The following MRPL13 variants were observed in gnomAD, a reference collection of about 807,000 sequenced individuals.
The protein encoded by MRPL13 is large ribosomal subunit protein uL13m.
Under a neutral mutation model 29.0 loss-of-function variants are expected in MRPL13, and 33 were observed. The ratio of observed to expected loss-of-function variants is 1.14; its 90% confidence interval spans 0.86 to 1.52. The LOEUF is 1.52. MRPL13 is among the 40% of genes most tolerant of loss of function. The probability of loss-of-function intolerance (pLI) is 0.00; values close to 1 mark genes in which losing one functional copy is unlikely to be tolerated. For missense variants in MRPL13, 227 were observed against 216.7 expected, an observed-to-expected ratio of 1.05 and a Z score of -0.30; for synonymous variants, 77 against 68.4, an observed-to-expected ratio of 1.13 and a Z score of -0.62.
chr8:120,426,596 A>G (rs369344023), intron 3 of MRPL13, among the ~76,000 whole-genome samples: 1 of 152,196 alleles, frequency 6.6e-6, no homozygotes, highest in East Asian at 1.9e-4. Context: ...AATATATTTC[A>G]GAAGTCTGGA....
intron 2 of MRPL13, among the ~76,000 whole-genome samples, chr8:120,436,056 A>G (rs1274223004): frequency 6.6e-6 from 1 of 152,150 alleles, no homozygotes; most frequent in Non-Finnish European, 1.5e-5. Flanking sequence ...GAAAAGCCAG[A>G]CAATAAACAA....
At position 120,418,627 on chromosome 8, in the gene MRPL13, C is replaced by T. The variant is rs146130587; in HGVS notation, c.393+1225G>A. 3.1e-4 allele frequency among the ~76,000 whole-genome samples: 47 copies of T among 151,896 alleles called. No homozygotes were observed. In the South Asian group the frequency reaches 8.3e-3, roughly 27 times the overall value. ...ATAATTTCCTATTTAACGGAACTAT[C>T]GTGAATACTTAAAATATCTACACTC... On this transcript the variant is annotated intron_variant, in intron 5 of 6. Transcript: ENST00000306185.
chr8:120,411,495 G>A (rs984955781), intron 6 of MRPL13, among the ~76,000 whole-genome samples: 4 of 152,104 alleles, frequency 2.6e-5, no homozygotes, highest in South Asian at 2.1e-4. Context: ...CACTTTTCAC[G>A]TAATAAAGAC....
Position 120,395,982 on chromosome 8 carries a change from A to G in MRPL13, c.*122T>C. The G allele has an allele frequency of 1.3e-6, 1 of 747,196 alleles. No individual in the cohort carries two copies. The highest frequency in any genetic ancestry group is 1.8e-5 in the South Asian group (1 of 54,702). The allele number at this position is 747,196 out of a possible 1,614,324, so 46.3% of individuals were successfully genotyped here. ...ACCTTCCTGACCTTTCCCCACAGTG[A>G]TTCGGCACATAAAACAGGTGCTGAA... On this transcript the variant is annotated 3_prime_UTR_variant, in exon 7 of 7. Transcript: ENST00000306185.
At chr8:120,402,586 A>C (rs1219532135) in intron 6 of MRPL13, among the ~76,000 whole-genome samples, 3 of 152,218 alleles carry the variant, frequency 2.0e-5, no homozygotes, top group African/African-American at 7.2e-5. Context: ...GGACATAGGC[A>C]TGGGCAGATT....
At chr8:120,416,759 C>CT (rs1051944929) in intron 5 of MRPL13, among the ~76,000 whole-genome samples, 1 of 152,244 alleles carries the variant, frequency 6.6e-6, no homozygotes, top group Admixed American at 6.5e-5. Context: ...TATACAAACA[C>CT]TTTTTGGATG....
At chr8:120,411,120 G>A (rs1400908391) in intron 6 of MRPL13, among the ~76,000 whole-genome samples, 1 of 151,894 alleles carries the variant, frequency 6.6e-6, no homozygotes, top group African/African-American at 2.4e-5. Flanking sequence ...GGAGTGCAGT[G>A]GCATGATCAT....
At chr8:120,424,402 G>A (rs1320361210) in intron 4 of MRPL13, among the ~76,000 whole-genome samples, 2 of 152,126 alleles carry the variant, frequency 1.3e-5, no homozygotes, top group African/African-American at 4.8e-5. Context: ...TAGGAAGATT[G>A]CTTGAGCCCA....
At position 120,425,359 on chromosome 8, in the gene MRPL13, C is replaced by A; in HGVS notation, c.253G>T (p.Gly85Cys). ...KVYSSHTGYP[G>C]GFRQVTAAQL... is the part of the protein sequence containing the mutation. ...GCAGCTGTTACTTGTCTAAATCCAC[C>A]TGGGTAGCTGTTAAAAGGAGAAAAG... is the stretch of plus-strand genomic sequence containing the variant. The change falls in exon 4 of 7, where the codon GGT becomes TGT. Residue 85 changes from glycine (G) to cysteine (C), a missense_variant. Coordinates refer to ENST00000306185, the MANE Select transcript of MRPL13 (RefSeq NM_014078.6). 1 of 1,611,892 alleles carries A rather than the reference C, an allele frequency of 6.2e-7. No individual in the cohort carries two copies.
chr8:120,428,006 C>T (rs1357404488), intron 3 of MRPL13, among the ~76,000 whole-genome samples: 1 of 150,274 alleles, frequency 6.7e-6, no homozygotes, highest in Non-Finnish European at 1.5e-5. Context: ...CATATGAAAC[C>T]AAAAAAGAGC....
At chr8:120,413,043 T>C (rs1198479089) in intron 6 of MRPL13, among the ~76,000 whole-genome samples, 1 of 152,212 alleles carries the variant, frequency 6.6e-6, no homozygotes, top group Non-Finnish European at 1.5e-5. Context: ...ATTTTTATTA[T>C]TGCCATGAGT....
chr8:120,420,265 T>C (rs2130468217), intron 4 of MRPL13, among the ~76,000 whole-genome samples: 1 of 151,364 alleles, frequency 6.6e-6, no homozygotes, highest in South Asian at 2.1e-4. Context: ...CTAAACCCAC[T>C]AAAACAATAC....
At position 120,414,185 on chromosome 8, in the gene MRPL13, A is replaced by T. The variant is rs1389857052; in HGVS notation, c.394-73T>A. 9.3e-6 allele frequency: 10 copies of T among 1,071,414 alleles called. No individual in the cohort carries two copies. In the East Asian group the frequency reaches 1.3e-4, roughly 14 times the overall value. The allele number at this position is 1,071,414 out of a possible 1,614,324, so 66.4% of individuals were successfully genotyped here. On this transcript the variant is annotated intron_variant, in intron 5 of 6. Coordinates refer to ENST00000306185, the MANE Select transcript of MRPL13 (RefSeq NM_014078.6). ...TAGCAATAAATTACTAATACTTCAT[A>T]AGTGTTAAAAAAATAAGCAAAAGAA...
chr8:120,436,183 G>A (rs1369592681), intron 2 of MRPL13, among the ~76,000 whole-genome samples: 3 of 151,900 alleles, frequency 2.0e-5, no homozygotes, highest in African/African-American at 7.3e-5. Flanking sequence ...CATTTCTCTG[G>A]GATAATGTCC....
Position 120,431,899 on chromosome 8 carries a change from C to T in MRPL13, c.245+131G>A, listed in dbSNP as rs115420473. On this transcript the variant is annotated intron_variant, in intron 3 of 6. Coordinates refer to ENST00000306185, the MANE Select transcript of MRPL13 (RefSeq NM_014078.6). ...TTTTAAAAATTGAGTAAATTATATA[C>T]ATGGCATGAGTAAAATTAGTAATAA... The T allele has an allele frequency of 6.3e-3, 3,740 of 592,966 alleles. 126 individuals are homozygous for T. In the African/African-American group the frequency reaches 0.067, roughly 11 times the overall value. The allele number at this position is 592,966 out of a possible 1,614,324, so 36.7% of individuals were successfully genotyped here.
chr8:120,395,538 G>GGT lies in MRPL13; in HGVS notation c.*565_*566insAC, dbSNP rs1812512911. 2 of 152,438 alleles carry GGT rather than the reference G, an allele frequency of 1.3e-5. No individual in the cohort carries two copies. The highest frequency in any genetic ancestry group is 3.8e-4 in the East Asian group (2 of 5,208). 9.4% of individuals were successfully genotyped at this position (152,438 alleles called of 1,614,324 possible). ...AGGGAAGAGGGATTTCTAACGAGCA[G>GGT]ACAGGCATTATGTATTCTGGTGTCA... On this transcript the variant is annotated 3_prime_UTR_variant, in exon 7 of 7. Coordinates refer to ENST00000306185, the MANE Select transcript of MRPL13 (RefSeq NM_014078.6).
chr8:120,416,546 G>GT (rs1262401827), intron 5 of MRPL13, among the ~76,000 whole-genome samples: 1 of 152,084 alleles, frequency 6.6e-6, no homozygotes, highest in Non-Finnish European at 1.5e-5. Flanking sequence ...CACAGAGGTG[G>GT]TTAACCTAAG....
At chr8:120,421,542 C>T (rs1010510325) in intron 4 of MRPL13, among the ~76,000 whole-genome samples, 8 of 151,694 alleles carry the variant, frequency 5.3e-5, no homozygotes, top group Admixed American at 1.3e-4. Context: ...CTATTCCAGA[C>T]AAAAACTTAG....
chr8:120,408,054 G>C (rs1166436707), intron 6 of MRPL13, among the ~76,000 whole-genome samples: 2 of 152,214 alleles, frequency 1.3e-5, no homozygotes, highest in Non-Finnish European at 2.9e-5. Context: ...GCTATACTGA[G>C]AGGTAAAGTA....
Sources: gnomAD v4.1 joint callset for allele counts (sites outside exome capture counted in the v4.1 genomes callset) on GRCh38, gnomAD v4.1.1 for gene constraint, MANE v1.5 for transcripts, NCBI Gene and HGNC (gene_info 2026-07-23, HGNC 2026-07-21) for gene names.